Variants in PATJ observed in about 807,000 individuals in gnomAD.
PATJ encodes the protein inaD-like protein.
A neutral mutation model predicts 224.9 loss-of-function variants in PATJ; 190 were observed. The observed-to-expected ratio is 0.84, with a 90% CI of 0.75 to 0.95. The LOEUF (loss-of-function observed/expected upper bound fraction) is 0.95, where lower values mean the gene tolerates loss of function less well. Among genes scored for constraint, PATJ ranks in the 40% least tolerant of loss-of-function variants. The probability of loss-of-function intolerance (pLI) is 0.00; values close to 1 mark genes in which losing one functional copy is unlikely to be tolerated. For synonymous variants in PATJ, 769 were observed against 820.3 expected (o/e 0.94, Z 1.07); for missense variants, 2,121 against 2,270.3 (o/e 0.93, Z 1.34).
chr1:62,038,277 C>T (rs1650819338), intron 30 of PATJ, among the ~76,000 whole-genome samples: 1 of 152,124 alleles, frequency 6.6e-6, no homozygotes, highest in African/African-American at 2.4e-5. Flanking sequence ...TCAAGGTCTC[C>T]TCTAAATATA....
intron 29 of PATJ, among the ~76,000 whole-genome samples, chr1:62,025,991 C>T (rs187926531): frequency 3.3e-5 from 5 of 152,304 alleles, no homozygotes; most frequent in Non-Finnish European, 5.9e-5. Flanking sequence ...TTATTTAGAA[C>T]ATGCCTCAGG....
chr1:62,160,087 A>G (rs1351706625), intron 43 of PATJ, among the ~76,000 whole-genome samples: 1 of 152,088 alleles, frequency 6.6e-6, no homozygotes, highest in Non-Finnish European at 1.5e-5. Flanking sequence ...TGACTTTTCA[A>G]GGGACTGAAA....
chr1:62,073,999 C>CT (rs1487926707), intron 31 of PATJ, among the ~76,000 whole-genome samples: 15 of 151,764 alleles, frequency 9.9e-5, no homozygotes, highest in Admixed American at 9.9e-4. Flanking sequence ...TTTTTCCTTG[C>CT]TTTTTTTAAC....
chr1:62,109,339 G>T (rs942819848), intron 34 of PATJ, among the ~76,000 whole-genome samples: 8 of 151,910 alleles, frequency 5.3e-5, no homozygotes, highest in Non-Finnish European at 1.2e-4. Flanking sequence ...TTTCCCTTTG[G>T]TGGTTCATTT....
chr1:61,913,104 TA>T, intron 25 of PATJ, among the ~76,000 whole-genome samples: 1 of 152,324 alleles, frequency 6.6e-6, no homozygotes, highest in South Asian at 2.1e-4. Context: ...CATTCTATAT[TA>T]AAAATGAAAA....
chr1:61,858,734 T>A (rs973420265), intron 18 of PATJ, among the ~76,000 whole-genome samples: 17 of 152,248 alleles, frequency 1.1e-4, no homozygotes, highest in Non-Finnish European at 2.1e-4. Flanking sequence ...GAGACAAATA[T>A]ACAAACTGTA....
intron 27 of PATJ, among the ~76,000 whole-genome samples, chr1:61,950,254 T>G (rs954049296): frequency 2.6e-5 from 4 of 152,168 alleles, no homozygotes; most frequent in African/African-American, 4.8e-5. Flanking sequence ...AGCAACGTAT[T>G]TTTTTGACAG....
intron 11 of PATJ, among the ~76,000 whole-genome samples, chr1:61,799,579 G>A (rs939298991): frequency 2.6e-5 from 4 of 151,996 alleles, no homozygotes; most frequent in Non-Finnish European, 4.4e-5. Context: ...ATAGATTCAG[G>A]GGATAAATGT....
chr1:62,087,822 G>A (rs1161383028), intron 33 of PATJ, among the ~76,000 whole-genome samples: 2 of 151,742 alleles, frequency 1.3e-5, no homozygotes, highest in Non-Finnish European at 2.9e-5. Flanking sequence ...AGGAACTGCT[G>A]TGTGGCTTCA....
rs753883844 is a variant in PATJ at position 62,116,602 on chromosome 1, C to T, written c.4726C>T (p.Gln1576Ter). Reference protein sequence around the residue: ...GAADLDGRLIQGDQILSVNGE... With the variant: ...GAADLDGRLI ...CGCAGACCTGGATGGGAGATTGATT[C>T]AGGGAGATCAGATCTTATCTGTGAA... The change falls in exon 36 of 44, where the codon CAG becomes TAG. Residue 1576 changes from glutamine (Q) to a stop codon, truncating the protein, a stop_gained. Coordinates refer to ENST00000642238, the MANE Select transcript of PATJ (RefSeq NM_001350145.3). LOFTEE classifies it high-confidence loss of function. The T allele has an allele frequency of 1.1e-5, 18 of 1,614,036 alleles. No individual in the cohort carries two copies. The highest frequency in any genetic ancestry group is 1.4e-5 in the Non-Finnish European group (17 of 1,179,974).
intron 13 of PATJ, among the ~76,000 whole-genome samples, chr1:61,806,225 T>G (rs1449702736): frequency 6.6e-6 from 1 of 152,238 alleles, no homozygotes; most frequent in Non-Finnish European, 1.5e-5. Flanking sequence ...TTCTTACATA[T>G]GTTTATAATT....
intron 1 of PATJ, among the ~76,000 whole-genome samples, chr1:61,749,466 T>C (rs914923354): frequency 2.6e-5 from 4 of 152,190 alleles, no homozygotes; most frequent in Non-Finnish European, 5.9e-5. Context: ...AATTGGCTAT[T>C]GAATCAACTG....
In PATJ at chr1:61,763,009, C is replaced by A; in HGVS notation, c.23-4C>A. The A allele has an allele frequency of 6.2e-7, 1 of 1,605,486 alleles. No homozygotes were observed. The highest frequency in any genetic ancestry group is 1.1e-5 in the South Asian group (1 of 89,348). ...ATTACTCTACTTATTCATCTTGACC[C>A]AAGATAAACTGCAGGTGCTGCAGGT... On this transcript the variant is annotated splice_region_variant and splice_polypyrimidine_tract_variant and intron_variant, in intron 2 of 43. Transcript: ENST00000642238.
chr1:62,155,692 TAAA>T (rs34095874), intron 43 of PATJ, among the ~76,000 whole-genome samples: 18 of 140,614 alleles, frequency 1.3e-4, no homozygotes, highest in Admixed American at 3.6e-4. Context: ...GCTCTGAATT[TAAA>T]AAAAAAAAAA....
chr1:62,122,096 G>A (rs1665130037), intron 38 of PATJ, among the ~76,000 whole-genome samples: 1 of 152,080 alleles, frequency 6.6e-6, no homozygotes, highest in Non-Finnish European at 1.5e-5. Context: ...CGGGCCCGGT[G>A]GCTCATGCCT....
intron 20 of PATJ, among the ~76,000 whole-genome samples, chr1:61,866,966 T>C (rs1214355833): frequency 6.6e-6 from 1 of 152,222 alleles, no homozygotes; most frequent in East Asian, 1.9e-4. Context: ...ATTTGTAAAC[T>C]GTCATGGCGC....
chr1:62,037,575 A>C (rs1041761652), intron 29 of PATJ, among the ~76,000 whole-genome samples: 31 of 152,306 alleles, frequency 2.0e-4, no homozygotes, highest in African/African-American at 7.5e-4. Flanking sequence ...GATCCTTTCC[A>C]GTTCAAAGAA....
In PATJ at chr1:61,855,563, C is replaced by A. The variant is rs1570917758; in HGVS notation, c.2113-467C>A. On this transcript the variant is annotated intron_variant, in intron 17 of 43. Transcript: ENST00000642238. ...CCTGGTAGTTCGGACTACAAACACA[C>A]ACTACCACACCTGGCTAATTTTTGT... is the stretch of plus-strand genomic sequence containing the variant. Among the ~76,000 whole-genome samples, 5 of 152,124 alleles carry A rather than the reference C, an allele frequency of 3.3e-5. No homozygotes were observed. The South Asian group carries it at 1.0e-3, about 32-fold the overall frequency.
In PATJ at chr1:62,155,914, C is replaced by T. The variant is rs540041185; in HGVS notation, c.5502+2433C>T. ...CTACTAAAAATATAAAAAAATTAGC[C>T]GGGCATGGTGGTAGGCGCCTGTAGT... On this transcript the variant is annotated intron_variant, in intron 43 of 43. Coordinates refer to ENST00000642238, the MANE Select transcript of PATJ (RefSeq NM_001350145.3). 7.3e-5 allele frequency among the ~76,000 whole-genome samples: 11 copies of T among 151,344 alleles called. No individual in the cohort carries two copies. In the South Asian group the frequency reaches 8.4e-4, roughly 11 times the overall value.
Sources: allele counts gnomAD v4.1 joint callset (sites outside exome capture counted in the v4.1 genomes callset), GRCh38; gene constraint gnomAD v4.1.1; transcripts MANE v1.5; gene names NCBI Gene and HGNC (gene_info 2026-07-23, HGNC 2026-07-21).